The following LRP1B variants were observed in gnomAD, a reference collection of about 807,000 sequenced individuals.
LRP1B encodes LDL receptor related protein 1B.
Under a neutral mutation model 556.6 loss-of-function variants are expected in LRP1B, and 217 were observed. That is an observed-to-expected ratio of 0.39 (90% confidence interval 0.35 to 0.44). The LOEUF (loss-of-function observed/expected upper bound fraction) is 0.44. Ranked by LOEUF, LRP1B falls within the 20% of genes least tolerant of loss-of-function variation. The pLI, the probability that LRP1B is intolerant of heterozygous loss-of-function variation, is 1.00. For synonymous variants in LRP1B, 2,047 were observed against 1,865.8 expected, an observed-to-expected ratio of 1.10 and a Z score of -2.50; for missense variants, 5,053 against 5,620.8, an observed-to-expected ratio of 0.90 and a Z score of 3.23.
In LRP1B at chr2:141,162,781, T is replaced by C. The variant is rs144990517; in HGVS notation, c.1013+25640A>G. Among the ~76,000 whole-genome samples, 492 of 152,264 alleles carry C rather than the reference T, an allele frequency of 3.2e-3. 2 individuals carry two copies. Among genetic ancestry groups the C allele is most frequent in the African/African-American group, 0.011 (466 of 41,562 alleles). The stretch of plus-strand genomic sequence containing the variant: ...AGTGCTTTCATAGATAGTTTATCAG[T>C]GAAGTTCACAAAATATATTAACAAT... On this transcript the variant is annotated intron_variant, in intron 7 of 90. Coordinates refer to ENST00000389484, the MANE Select transcript of LRP1B (RefSeq NM_018557.3).
chr2:140,812,104 G>A (rs1013229353), intron 32 of LRP1B, among the ~76,000 whole-genome samples: 5 of 152,100 alleles, frequency 3.3e-5, no homozygotes, highest in African/African-American at 1.2e-4. Context: ...TTAAGCAAAT[G>A]AAAACCACTA....
intron 6 of LRP1B, among the ~76,000 whole-genome samples, chr2:141,189,268 CA>C (rs1435357371): frequency 6.6e-6 from 1 of 151,874 alleles, no homozygotes; most frequent in Admixed American, 6.6e-5. Context: ...GTGAGGTATG[CA>C]AAATTAATCA....
chr2:140,930,965 A>G (rs748102977), intron 20 of LRP1B, among the ~76,000 whole-genome samples: 4 of 152,080 alleles, frequency 2.6e-5, no homozygotes, highest in Admixed American at 2.6e-4. Context: ...CTGTCTGAGG[A>G]GAACCTTAAT....
At chr2:141,654,379 G>T (rs1337686988) in intron 2 of LRP1B, among the ~76,000 whole-genome samples, 3 of 152,110 alleles carry the variant, frequency 2.0e-5, no homozygotes, top group Non-Finnish European at 4.4e-5. Flanking sequence ...CTGAGTTAGG[G>T]CTCCTTTGGT....
At chr2:140,985,061 G>T (rs556996838) in intron 17 of LRP1B, among the ~76,000 whole-genome samples, 13 of 151,992 alleles carry the variant, frequency 8.6e-5, no homozygotes, top group Non-Finnish European at 1.9e-4. Flanking sequence ...TGTGGCAAAT[G>T]CTTCTCTAAG....
chr2:140,692,307 T>C (rs1176532718), intron 41 of LRP1B, among the ~76,000 whole-genome samples: 1 of 152,148 alleles, frequency 6.6e-6, no homozygotes, highest in African/African-American at 2.4e-5. Flanking sequence ...GTGTTTAAGA[T>C]AACTATGTAA....
At chr2:141,844,245 A>G (rs1025237723) in intron 1 of LRP1B, among the ~76,000 whole-genome samples, 4 of 152,110 alleles carry the variant, frequency 2.6e-5, no homozygotes, top group South Asian at 2.1e-4. Context: ...TTGCTTTTTC[A>G]GGGAAGCATT....
chr2:141,079,833 G>C (rs1699881202), intron 7 of LRP1B, among the ~76,000 whole-genome samples: 1 of 152,132 alleles, frequency 6.6e-6, no homozygotes, highest in Non-Finnish European at 1.5e-5. Flanking sequence ...TTGTGGTTTT[G>C]CCATTGAAAG....
At chr2:140,614,161 T>A in intron 41 of LRP1B, among the ~76,000 whole-genome samples, 1 of 152,124 alleles carries the variant, frequency 6.6e-6, no homozygotes, top group East Asian at 1.9e-4. Flanking sequence ...ATTCTCCTTT[T>A]AAATCACTCA....
intron 42 of LRP1B, 99 bp from the exon 43 acceptor site, chr2:140,598,934 G>C: frequency 1.3e-6 from 1 of 754,082 alleles, no homozygotes; most frequent in Non-Finnish European, 2.2e-6. Flanking sequence ...AAAAGAAGCA[G>C]AATTATTTAC....
intron 3 of LRP1B, among the ~76,000 whole-genome samples, chr2:141,415,415 C>G (rs1042742553): frequency 1.3e-5 from 2 of 152,062 alleles, no homozygotes; most frequent in African/African-American, 4.8e-5. Flanking sequence ...AATAGCTAAT[C>G]TAAAACTCTC....
At position 141,999,835 on chromosome 2, in the gene LRP1B, C is replaced by T. The variant is rs562332443; in HGVS notation, c.82+130813G>A. ...GTAATATTTGTTTATTTTCTAATTT[C>T]ACTTAAAATTACCTAGTGCTTAAGG... On this transcript the variant is annotated intron_variant, in intron 1 of 90. Transcript: ENST00000389484. 3.3e-5 allele frequency among the ~76,000 whole-genome samples: 5 copies of T among 151,874 alleles called. No homozygotes were observed. In the South Asian group the frequency reaches 1.0e-3, roughly 32 times the overall value.
chr2:140,320,648 G>A (rs552452593), intron 82 of LRP1B, among the ~76,000 whole-genome samples: 5 of 151,584 alleles, frequency 3.3e-5, no homozygotes, highest in South Asian at 2.1e-4. Flanking sequence ...GGCAGGTCTC[G>A]AACCCCTGGG....
rs922139926 is a variant in LRP1B, at chr2:140,345,789, CACATATAT to C, written c.11892+5000_11892+5007del. Among the ~76,000 whole-genome samples, 9 of 118,186 alleles carry C rather than the reference CACATATAT, an allele frequency of 7.6e-5. No homozygotes were observed. The South Asian group carries it at 1.2e-3, about 16-fold the overall frequency. The allele number at this position is 118,186 out of a possible 152,430, so 77.5% of individuals were successfully genotyped here. ...ATACACATATATATACATATATATA[CACATATAT>C]ACATATATACACATATATATACATA... On this transcript the variant is annotated intron_variant, in intron 77 of 90. Coordinates refer to ENST00000389484, the MANE Select transcript of LRP1B (RefSeq NM_018557.3).
chr2:141,310,369 G>T (rs1686765999), intron 3 of LRP1B, among the ~76,000 whole-genome samples: 1 of 151,994 alleles, frequency 6.6e-6, no homozygotes, highest in African/African-American at 2.4e-5. Flanking sequence ...TTGTCCCCTT[G>T]CAAAATAAAA....
chr2:140,348,758 C>T (rs1681811503), intron 77 of LRP1B, among the ~76,000 whole-genome samples: 1 of 151,936 alleles, frequency 6.6e-6, no homozygotes, highest in South Asian at 2.1e-4. Context: ...TATAAATATT[C>T]AAGTAAAATA....
In LRP1B at chr2:140,527,969, A is replaced by G. The variant is rs374048706; in HGVS notation, c.7763-1619T>C. ...TTCCTAAGTAAGCCTATAATTGTTC[A>G]TCTCATAATGCACTTGAGTTTCTGT... On this transcript the variant is annotated intron_variant, in intron 47 of 90. Coordinates refer to ENST00000389484, the MANE Select transcript of LRP1B (RefSeq NM_018557.3). 2.2e-4 allele frequency among the ~76,000 whole-genome samples: 33 copies of G among 152,034 alleles called. No individual in the cohort carries two copies. In the East Asian group the frequency reaches 3.9e-3, roughly 18 times the overall value.
At chr2:140,271,867 A>G (rs1195126326) in intron 85 of LRP1B, among the ~76,000 whole-genome samples, 1 of 151,882 alleles carries the variant, frequency 6.6e-6, no homozygotes. Context: ...CTTGTCCTCC[A>G]TGCCCAGCCT....
At chr2:141,869,995 T>A (rs976741142) in intron 1 of LRP1B, among the ~76,000 whole-genome samples, 1 of 152,046 alleles carries the variant, frequency 6.6e-6, no homozygotes, top group Non-Finnish European at 1.5e-5. Flanking sequence ...GGATCACAAT[T>A]TTTTTCCTGC....
Sources: gnomAD v4.1 joint callset for allele counts (sites outside exome capture counted in the v4.1 genomes callset) on GRCh38, gnomAD v4.1.1 for gene constraint, MANE v1.5 for transcripts, NCBI Gene and HGNC (gene_info 2026-07-23, HGNC 2026-07-21) for gene names.